PPP4R2: variants seen among roughly 807,000 people sequenced by gnomAD.
The protein encoded by PPP4R2 is protein phosphatase 4 regulatory subunit 2.
In PPP4R2, 13 loss-of-function variants were observed where a neutral mutation model predicts 47.2. That is an observed-to-expected ratio of 0.28 (90% confidence interval 0.18 to 0.44). PPP4R2 has a LOEUF of 0.44. Among genes scored for constraint, PPP4R2 ranks in the 20% least tolerant of loss-of-function variants. The pLI is 1.00. For missense variants in PPP4R2, 421 were observed against 491.2 expected (o/e 0.86, Z 1.35); for synonymous variants, 151 against 163.3 (o/e 0.92, Z 0.57).
chr3:73,013,330 T>G (rs1701760935), intron 2 of PPP4R2, among the ~76,000 whole-genome samples: 1 of 152,246 alleles, frequency 6.6e-6, no homozygotes, highest in African/African-American at 2.4e-5. Context: ...ATCTTCATTT[T>G]GGTTAAGGAG....
rs1396719559 is a variant in PPP4R2, at chr3:73,069,139, G to T, written c.*3417G>T. The T allele has an allele frequency of 6.6e-6, 1 of 152,024 alleles. No homozygotes were observed. Among genetic ancestry groups the T allele is most frequent in the African/African-American group, 2.4e-5 (1 of 41,384 alleles). The allele number at this position is 152,024 out of a possible 1,614,324, so 9.4% of individuals were successfully genotyped here. A position where few individuals can be genotyped will look rare whatever the true frequency, so the allele number is the denominator to read the frequency against. ...GGATTTTCTTTTATTTCAACTTGGA[G>T]CCTAGATTACTTTGCCAAATGTATT... On this transcript the variant is annotated 3_prime_UTR_variant, in exon 9 of 9. Transcript: ENST00000356692.
intron 2 of PPP4R2, among the ~76,000 whole-genome samples, chr3:73,020,151 G>C (rs1701929406): frequency 1.3e-5 from 2 of 152,294 alleles, no homozygotes; most frequent in East Asian, 3.9e-4. Flanking sequence ...AAGTGTGCCA[G>C]CATAGTCAGG....
intron 2 of PPP4R2, among the ~76,000 whole-genome samples, chr3:73,013,180 T>C (rs539676328): frequency 6.6e-6 from 1 of 152,130 alleles, no homozygotes; most frequent in African/African-American, 2.4e-5. Flanking sequence ...ATCAGTGCCA[T>C]AGCCAGCATG....
intron 2 of PPP4R2, among the ~76,000 whole-genome samples, chr3:73,042,877 T>G (rs1259921056): frequency 1.3e-5 from 2 of 152,206 alleles, no homozygotes; most frequent in Non-Finnish European, 2.9e-5. Flanking sequence ...ATAATTCATG[T>G]CAATTTATGG....
chr3:73,062,121 C>T, intron 5 of PPP4R2: 2 of 1,548,462 alleles, frequency 1.3e-6, no homozygotes, highest in Non-Finnish European at 1.7e-6. Flanking sequence ...TGTTAATTCT[C>T]ACAGTCTTTT....
intron 2 of PPP4R2, among the ~76,000 whole-genome samples, chr3:73,017,311 C>G (rs964176728): frequency 2.6e-5 from 4 of 151,876 alleles, no homozygotes; most frequent in Non-Finnish European, 2.9e-5. Flanking sequence ...CACAGGTAAC[C>G]ATAGAGGTAT....
At chr3:73,014,824 A>G (rs1701789914) in intron 2 of PPP4R2, 1 of 409,470 alleles carries the variant, frequency 2.4e-6, no homozygotes, top group African/African-American at 2.0e-5. Context: ...ATAATATTCT[A>G]AATCTAGCAT....
intron 2 of PPP4R2, among the ~76,000 whole-genome samples, chr3:73,042,443 C>T (rs1265826342): frequency 6.9e-6 from 1 of 144,680 alleles, no homozygotes; most frequent in African/African-American, 2.6e-5. Context: ...TGGCTCACTG[C>T]AACCTCCGCC....
At chr3:73,057,384 A>G (rs955668953) in intron 3 of PPP4R2, among the ~76,000 whole-genome samples, 1 of 152,074 alleles carries the variant, frequency 6.6e-6, no homozygotes, top group Non-Finnish European at 1.5e-5. Flanking sequence ...TCATTTTGAC[A>G]TTGTACTTCA....
At chr3:73,010,026 C>T (rs1188418582) in intron 2 of PPP4R2, among the ~76,000 whole-genome samples, 1 of 152,088 alleles carries the variant, frequency 6.6e-6, no homozygotes, top group East Asian at 1.9e-4. Flanking sequence ...CTTGGGTAAC[C>T]TATTACCTGA....
intron 3 of PPP4R2, among the ~76,000 whole-genome samples, chr3:73,058,296 GT>G (rs1414825128): frequency 6.6e-6 from 1 of 152,042 alleles, no homozygotes; most frequent in Non-Finnish European, 1.5e-5. Flanking sequence ...AATATTTGTA[GT>G]TTTGTTTGAA....
chr3:73,052,123 T>G (rs1186753318), intron 3 of PPP4R2, among the ~76,000 whole-genome samples: 1 of 151,570 alleles, frequency 6.6e-6, no homozygotes, highest in Non-Finnish European at 1.5e-5. Context: ...AATGAATGAA[T>G]GAGTAAAGAA....
chr3:73,001,259 T>C (rs1347754152), intron 2 of PPP4R2, among the ~76,000 whole-genome samples: 1 of 152,010 alleles, frequency 6.6e-6, no homozygotes, highest in Non-Finnish European at 1.5e-5. Flanking sequence ...AGGTAAAATA[T>C]ACTTATATAA....
At chr3:73,004,930 TTTTGA>T (rs1701569244) in intron 2 of PPP4R2, among the ~76,000 whole-genome samples, 1 of 141,098 alleles carries the variant, frequency 7.1e-6, no homozygotes, top group Admixed American at 7.2e-5. Flanking sequence ...TGTTTGTGTG[TTTTGA>T]GTCGGAGTCG....
At chr3:73,030,391 A>T (rs564667144) in intron 2 of PPP4R2, among the ~76,000 whole-genome samples, 139 of 152,288 alleles carry the variant, frequency 9.1e-4, no homozygotes, top group Non-Finnish European at 6.2e-4. Context: ...TATAAGTGCA[A>T]CAAGAAGCAA....
At chr3:73,019,766 TG>T (rs1444122084) in intron 2 of PPP4R2, among the ~76,000 whole-genome samples, 1 of 151,228 alleles carries the variant, frequency 6.6e-6, no homozygotes, top group African/African-American at 2.5e-5. Flanking sequence ...GTATTCTGAG[TG>T]AAGTATACTT....
intron 2 of PPP4R2, among the ~76,000 whole-genome samples, chr3:73,032,179 A>C (rs1268253561): frequency 6.6e-6 from 1 of 152,234 alleles, no homozygotes; most frequent in African/African-American, 2.4e-5. Context: ...AAGGTCACAA[A>C]AAAGTCTGTG....
rs957179635 is a variant in PPP4R2, at chr3:73,031,556, AAAAAG to A, written c.117-15626_117-15622del. ...AACTGTGTCTCAAAAAAGAAAAGAA[AAAAAG>A]AAAGAAATATTTCATTTATTTTTAA... On this transcript the variant is annotated intron_variant, in intron 2 of 8. Coordinates refer to ENST00000356692, the MANE Select transcript of PPP4R2 (RefSeq NM_174907.4). 8.9e-4 allele frequency among the ~76,000 whole-genome samples: 136 copies of A among 152,286 alleles called. 3 individuals are homozygous for A. The highest frequency in any genetic ancestry group is 3.9e-3 in the East Asian group (20 of 5,190).
At chr3:72,998,242 A>G (rs1215940064) in intron 2 of PPP4R2, 84 bp downstream of exon 2, 1 of 799,312 alleles carries the variant, frequency 1.3e-6, no homozygotes, top group African/African-American at 1.8e-5. Flanking sequence ...ATATTTTGGG[A>G]TAATTAAATA....
Sources: gnomAD v4.1 joint callset for allele counts (sites outside exome capture counted in the v4.1 genomes callset) on GRCh38, gnomAD v4.1.1 for gene constraint, MANE v1.5 for transcripts, NCBI Gene and HGNC (gene_info 2026-07-23, HGNC 2026-07-21) for gene names.